The following SIPA1L3 variants were observed in gnomAD, a reference collection of about 807,000 sequenced individuals.
The protein encoded by SIPA1L3 is signal-induced proliferation-associated 1-like protein 3.
In SIPA1L3, 59 loss-of-function variants were observed where a neutral mutation model predicts 150.1. That is an observed-to-expected ratio of 0.39 (90% CI 0.32 to 0.49). SIPA1L3 has a LOEUF of 0.49. SIPA1L3 is among the 20% of genes least tolerant of loss of function. The pLI is 0.86. For missense variants in SIPA1L3, 2,211 were observed against 2,489.5 expected (o/e 0.89, Z 2.38); for synonymous variants, 1,070 against 1,077.6 (o/e 0.99, Z 0.14).
Position 38,204,181 on chromosome 19 carries a change from G to T in SIPA1L3, c.5175G>T (p.Leu1725=). ...AGGTGTACCAGCTGGAGGTGATGCTGAAACAGCTGCACACTGACCTGCAGA... is the reference window on the plus strand; with the variant it reads ...AGGTGTACCAGCTGGAGGTGATGCTTAAACAGCTGCACACTGACCTGCAGA... ...TGKVYQLEVM[L]KQLHTDLQKE... Residue 1725 remains leucine, a synonymous_variant, in exon 21 of 22, where the codon CTG becomes CTT. Coordinates refer to ENST00000222345, the MANE Select transcript of SIPA1L3 (RefSeq NM_015073.3). 6.4e-7 allele frequency: 1 copy of T among 1,558,262 alleles called. No homozygotes were observed. Among genetic ancestry groups the T allele is most frequent in the Non-Finnish European group, 8.7e-7 (1 of 1,150,304 alleles).
rs771952871 is a variant in SIPA1L3, at chr19:38,082,930, C to G, written c.1365C>G (p.Gly455=). ...CTTCCGTGGGCTCCCCGAGCAGCGG[C>G]GAGGGCCACCTGGCAGAGCCCGCCC... is the stretch of plus-strand genomic sequence containing the variant. ...SRASVGSPSS[G]EGHLAEPALS... is the part of the protein sequence containing the mutation. Residue 455 remains glycine (G), a synonymous_variant, in exon 3 of 22, where the codon GGC becomes GGG. Transcript: ENST00000222345. 6.2e-7 allele frequency: 1 copy of G among 1,613,078 alleles called. No individual in the cohort carries two copies. The highest frequency in any genetic ancestry group is 1.7e-5 in the Admixed American group (1 of 60,012).
chr19:37,987,051 C>T (rs1200456350), intron 1 of SIPA1L3, among the ~76,000 whole-genome samples: 4 of 152,134 alleles, frequency 2.6e-5, no homozygotes, highest in Admixed American at 6.6e-5. Context: ...CCTCAACCTC[C>T]CGAGTAGCTG....
chr19:38,164,816 G>C lies in SIPA1L3; in HGVS notation c.4118G>C (p.Ser1373Thr). 6.2e-7 allele frequency: 1 copy of C among 1,611,146 alleles called. No homozygotes were observed. The highest frequency in any genetic ancestry group is 1.3e-5 in the African/African-American group (1 of 75,024). The change falls in exon 15 of 22, where the codon AGC becomes ACC. Residue 1373 changes from serine to threonine, a missense_variant. Transcript: ENST00000222345. This position sits in a 1 kb window ranked among gnomAD's most constrained non-coding sequence, Gnocchi z 4.1. ...CCTGCCCCCGCAGTTGCCGGCCAAAGCAAGGGCTACCGACCGAAGCTGTAC... is the reference window on the plus strand; with the variant it reads ...CCTGCCCCCGCAGTTGCCGGCCAAACCAAGGGCTACCGACCGAAGCTGTAC... ...VSPAPAVAGQ[S>T]KGYRPKLYSS...
chr19:38,085,380 T>TGA (rs1342673306), intron 3 of SIPA1L3, among the ~76,000 whole-genome samples: 1 of 148,536 alleles, frequency 6.7e-6, no homozygotes. Context: ...CTCGGGAGGC[T>TGA]GAGGCAGGAG....
At chr19:37,989,518 C>G (rs1225187626) in intron 1 of SIPA1L3, among the ~76,000 whole-genome samples, 1 of 152,186 alleles carries the variant, frequency 6.6e-6, no homozygotes. Flanking sequence ...TCTCAGTGTA[C>G]CACTGCACCC....
intron 1 of SIPA1L3, among the ~76,000 whole-genome samples, chr19:38,008,114 C>T (rs1364962577): frequency 6.6e-6 from 1 of 151,802 alleles, no homozygotes; most frequent in Admixed American, 6.6e-5. Context: ...CTCAGGCCCC[C>T]AGAGGCCTTG....
At chr19:38,055,123 C>T (rs1010492306) in intron 2 of SIPA1L3, among the ~76,000 whole-genome samples, 4 of 152,158 alleles carry the variant, frequency 2.6e-5, no homozygotes, top group African/African-American at 4.8e-5. Flanking sequence ...GCTGGCCTTC[C>T]GTTTCCTTAG....
At chr19:38,192,055 C>T (rs1972816094) in intron 16 of SIPA1L3, 90 bp from the exon 17 acceptor site, 7 of 1,237,360 alleles carry the variant, frequency 5.7e-6, no homozygotes, top group South Asian at 1.5e-5. Flanking sequence ...CCATGCGTCC[C>T]GTGGTGGCCG....
chr19:37,909,973 T>TA (rs34356507), intron 1 of SIPA1L3, among the ~76,000 whole-genome samples: 41 of 143,258 alleles, frequency 2.9e-4, no homozygotes, highest in Non-Finnish European at 4.1e-4. Context: ...AGCAGTGGCT[T>TA]AAAAAAAAAA....
intron 17 of SIPA1L3, 113 bp downstream of exon 17, chr19:38,192,423 C>T (rs1972825138): frequency 4.9e-6 from 5 of 1,015,682 alleles, no homozygotes; most frequent in African/African-American, 1.7e-5. Context: ...TCCTTCCCGT[C>T]GTGTCCCCAG....
chr19:38,118,345 AAC>A, intron 8 of SIPA1L3, among the ~76,000 whole-genome samples: 1 of 151,546 alleles, frequency 6.6e-6, no homozygotes, highest in Non-Finnish European at 1.5e-5. Context: ...GAATCGCCTG[AAC>A]CCAGGAGACA....
chr19:37,964,245 A>G (rs554935556), intron 1 of SIPA1L3: 3 of 152,024 alleles, frequency 2.0e-5, no homozygotes, highest in Admixed American at 2.0e-4. Flanking sequence ...TCTACAGAAA[A>G]TTTTTTTAAA....
chr19:38,159,860 G>A (rs540171545), intron 13 of SIPA1L3, among the ~76,000 whole-genome samples: 17 of 152,272 alleles, frequency 1.1e-4, no homozygotes, highest in African/African-American at 4.1e-4. Context: ...TTATGTTAAT[G>A]ATCTTGAATA....
chr19:37,994,965 G>A (rs1398484426), intron 1 of SIPA1L3, among the ~76,000 whole-genome samples: 7 of 152,206 alleles, frequency 4.6e-5, no homozygotes, highest in Non-Finnish European at 1.0e-4. Flanking sequence ...GTGTGCAGGC[G>A]TTTCGTTCGT....
chr19:38,187,909 T>C (rs1972723039), intron 16 of SIPA1L3, among the ~76,000 whole-genome samples: 1 of 150,304 alleles, frequency 6.7e-6, no homozygotes, highest in Non-Finnish European at 1.5e-5. Flanking sequence ...GGCAGGAGAA[T>C]CACTTGTACC....
At chr19:38,085,018 G>A (rs74744336) in intron 3 of SIPA1L3, among the ~76,000 whole-genome samples, 1,618 of 152,170 alleles carry the variant, frequency 0.011, 22 homozygotes, top group African/African-American at 0.037. Context: ...CATCCCACAG[G>A]ACACTGGAGC....
intron 11 of SIPA1L3, 125 bp downstream of exon 11, chr19:38,141,560 T>C (rs765236275): frequency 2.0e-5 from 21 of 1,040,230 alleles, no homozygotes; most frequent in Non-Finnish European, 2.9e-5. Flanking sequence ...ACCTTCCTTC[T>C]TATCCTTATG....
intron 10 of SIPA1L3, among the ~76,000 whole-genome samples, chr19:38,138,130 C>T (rs1971478171): frequency 6.7e-6 from 1 of 149,316 alleles, no homozygotes; most frequent in Non-Finnish European, 1.5e-5. Flanking sequence ...GACTCTGTCT[C>T]AAATAAAAAA....
rs55737969 is a variant in SIPA1L3, at chr19:38,002,717, C to CAAAAAA, written c.-378-26350_-378-26345dup. The stretch of plus-strand genomic sequence containing the variant: ...CTGGTGACAGAGCGAGACTCCATCT[C>CAAAAAA]AAAAAAAAAAAAAAAAAAAAAAAAA... On this transcript the variant is annotated intron_variant, in intron 1 of 21. Coordinates refer to ENST00000222345, the MANE Select transcript of SIPA1L3 (RefSeq NM_015073.3). Among the ~76,000 whole-genome samples, 231 of 61,404 alleles carry CAAAAAA rather than the reference C, an allele frequency of 3.8e-3. 12 individuals are homozygous for CAAAAAA. The highest frequency in any genetic ancestry group is 0.011 in the African/African-American group (159 of 13,994). 40.3% of individuals were successfully genotyped at this position (61,404 alleles called of 152,430 possible).
Sources: gnomAD v4.1 joint callset for allele counts (sites outside exome capture counted in the v4.1 genomes callset) on GRCh38, gnomAD v4.1.1 for gene constraint, Gnocchi (gnomAD v3.1) non-coding constraint, MANE v1.5 for transcripts, NCBI Gene and HGNC (gene_info 2026-07-23, HGNC 2026-07-21) for gene names.